The following PLEKHB1 variants were observed in gnomAD, a reference collection of about 807,000 sequenced individuals.
PLEKHB1 encodes the protein pleckstrin homology domain-containing family B member 1.
PLEKHB1 carries 29 observed loss-of-function variants against 36.2 expected under a neutral mutation model. The ratio of observed to expected loss-of-function variants is 0.80; its 90% confidence interval spans 0.60 to 1.09. The LOEUF (loss-of-function observed/expected upper bound fraction) is 1.09. PLEKHB1 is among the 50% of genes least tolerant of loss of function. The pLI is 0.00. For missense variants in PLEKHB1, 330 were observed against 348.2 expected (o/e 0.95, Z 0.42); for synonymous variants, 138 against 140.0 (o/e 0.99, Z 0.10).
At chr11:73,648,601 G>A (rs1944817590) in intron 1 of PLEKHB1, 2 of 991,554 alleles carry the variant, frequency 2.0e-6, no homozygotes, top group Non-Finnish European at 2.4e-6. Context: ...AATACTTTAA[G>A]AGTCTCATGC....
rs747993373 is a variant in PLEKHB1 at position 73,651,769 on chromosome 11, T to A, written c.248-19T>A. ...GGGCTTGTGCCTGTGGAAACCCATA[T>A]ATGTGTGTCTGCTTCCAGATGTGCA... is the stretch of plus-strand genomic sequence containing the variant. On this transcript the variant is annotated intron_variant, in intron 3 of 7. Transcript: ENST00000354190. 6.2e-7 allele frequency: 1 copy of A among 1,605,340 alleles called. No individual in the cohort carries two copies. Among genetic ancestry groups the A allele is most frequent in the East Asian group, 2.2e-5 (1 of 44,774 alleles).
At position 73,661,434 on chromosome 11, in the gene PLEKHB1, C is replaced by T. The variant is rs377399324; in HGVS notation, c.596-32C>T. The stretch of plus-strand genomic sequence containing the variant: ...AAGATCACTCTACTCCCTCCTAAGT[C>T]GCTGATCCTCATGGGCTGTCTCCCT... On this transcript the variant is annotated intron_variant, in intron 7 of 7. Coordinates refer to ENST00000354190, the MANE Select transcript of PLEKHB1 (RefSeq NM_021200.3). The surrounding 1 kb of genome is among the most constrained non-coding windows in gnomAD (Gnocchi z 4.6). The T allele has an allele frequency of 3.1e-6, 5 of 1,612,170 alleles. No homozygotes were observed. The African/African-American group carries it at 6.7e-5, about 22-fold the overall frequency.
chr11:73,653,488 C>T (rs1198676626), intron 5 of PLEKHB1: 1 of 460,430 alleles, frequency 2.2e-6, no homozygotes, highest in Non-Finnish European at 4.3e-6. Context: ...TGGGCTCTGC[C>T]CACCTGGACT....
chr11:73,649,552 C>T (rs548507315), intron 2 of PLEKHB1, among the ~76,000 whole-genome samples: 3 of 152,286 alleles, frequency 2.0e-5, no homozygotes, highest in South Asian at 2.1e-4. Flanking sequence ...GGACACAGAA[C>T]GAGGCACAGA....
At chr11:73,650,875 G>C (rs1944876638) in intron 3 of PLEKHB1, among the ~76,000 whole-genome samples, 170 bp downstream of exon 3, 1 of 152,064 alleles carries the variant, frequency 6.6e-6, no homozygotes, top group African/African-American at 2.4e-5. Flanking sequence ...TTAAGAAATA[G>C]GTCCTTGGCT....
intron 6 of PLEKHB1, 176 bp from the exon 7 acceptor site, chr11:73,660,577 G>A (rs1945084418): frequency 1.6e-6 from 1 of 619,868 alleles, no homozygotes; most frequent in East Asian, 2.8e-5. Context: ...GAGGACCGTG[G>A]ACCTTGTGGG....
intron 1 of PLEKHB1, chr11:73,647,773 T>G (rs1590786182): frequency 1.0e-6 from 1 of 983,606 alleles, no homozygotes; most frequent in African/African-American, 1.8e-5. Context: ...GGAAAAGGAG[T>G]CTGCACCTGA....
At chr11:73,652,935 C>A in intron 4 of PLEKHB1, 40 bp from the exon 5 acceptor site, 1 of 1,580,096 alleles carries the variant, frequency 6.3e-7, no homozygotes, top group Non-Finnish European at 8.6e-7. Context: ...CACCCACCCC[C>A]AAACTCCCTC....
chr11:73,660,940 G>T, intron 7 of PLEKHB1, 88 bp downstream of exon 7: 1 of 1,235,026 alleles, frequency 8.1e-7, no homozygotes, highest in East Asian at 2.5e-5. Flanking sequence ...TCCGGACCAG[G>T]CTTCATCCTT....
At chr11:73,649,534 C>T (rs932106207) in intron 2 of PLEKHB1, among the ~76,000 whole-genome samples, 1 of 152,198 alleles carries the variant, frequency 6.6e-6, no homozygotes, top group Non-Finnish European at 1.5e-5. Context: ...GTCCCCCAAC[C>T]CCGGGCTGGA....
chr11:73,652,285 G>C (rs1277943209), intron 4 of PLEKHB1, among the ~76,000 whole-genome samples: 2 of 152,202 alleles, frequency 1.3e-5, no homozygotes, highest in Non-Finnish European at 2.9e-5. Context: ...GGTAGCCCTG[G>C]ACCTGCCTAC....
chr11:73,647,720 C>T, intron 1 of PLEKHB1: 1 of 985,588 alleles, frequency 1.0e-6, no homozygotes, highest in Non-Finnish European at 1.2e-6. Context: ...CAGCAACATC[C>T]GCAACAAGTG....
chr11:73,647,903 C>G, intron 1 of PLEKHB1: 1 of 984,626 alleles, frequency 1.0e-6, no homozygotes, highest in Non-Finnish European at 1.2e-6. Context: ...CAGGTGTGAG[C>G]AGGTGGGGGA....
chr11:73,655,062 A>G (rs1944965549), intron 5 of PLEKHB1, among the ~76,000 whole-genome samples: 1 of 152,130 alleles, frequency 6.6e-6, no homozygotes, highest in African/African-American at 2.4e-5. Flanking sequence ...TATGTGGGGC[A>G]AGTCAGTTCC....
At chr11:73,646,713 A>G (rs2134790339) in intron 1 of PLEKHB1, 87 bp downstream of exon 1, 1 of 1,382,892 alleles carries the variant, frequency 7.2e-7, no homozygotes, top group East Asian at 2.5e-5. Flanking sequence ...GAAGTCTTTT[A>G]GGCCCTGACA....
chr11:73,647,935 A>G (rs1412774208), intron 1 of PLEKHB1: 6 of 985,442 alleles, frequency 6.1e-6, no homozygotes, highest in Non-Finnish European at 6.0e-6. Context: ...ACCCGCTGGC[A>G]AGTGAGTCGC....
chr11:73,654,054 G>A (rs1298765084), intron 5 of PLEKHB1, among the ~76,000 whole-genome samples: 1 of 152,182 alleles, frequency 6.6e-6, no homozygotes, highest in Non-Finnish European at 1.5e-5. Context: ...AGTCTGGCTG[G>A]TAGGTAGGGA....
At chr11:73,660,572 C>T (rs1380641406) in intron 6 of PLEKHB1, 181 bp from the exon 7 acceptor site, 1 of 613,668 alleles carries the variant, frequency 1.6e-6, no homozygotes, top group South Asian at 2.0e-5. Flanking sequence ...TTTTAGAGGA[C>T]CGTGGACCTT....
Position 73,661,705 on chromosome 11 carries a change from A to T in PLEKHB1, c.*103A>T. 1.4e-6 allele frequency: 2 copies of T among 1,396,064 alleles called. No homozygotes were observed. Among genetic ancestry groups the T allele is most frequent in the Non-Finnish European group, 1.9e-6 (2 of 1,043,240 alleles). 86.5% of individuals were successfully genotyped at this position (1,396,064 alleles called of 1,614,324 possible). On this transcript the variant is annotated 3_prime_UTR_variant, in exon 8 of 8. Coordinates refer to ENST00000354190, the MANE Select transcript of PLEKHB1 (RefSeq NM_021200.3). The surrounding 1 kb of genome is among the most constrained non-coding windows in gnomAD (Gnocchi z 4.6). ...CCAAGCCCTGTCCCACTTTGGCCCT[A>T]TCCTCTCCATTAGCTCCTTCCGGGT...
Sources: gnomAD v4.1 joint callset for allele counts (sites outside exome capture counted in the v4.1 genomes callset) on GRCh38, gnomAD v4.1.1 for gene constraint, Gnocchi (gnomAD v3.1) non-coding constraint, MANE v1.5 for transcripts, NCBI Gene and HGNC (gene_info 2026-07-23, HGNC 2026-07-21) for gene names.